The following PCDHGA9 variants were observed in gnomAD, a reference collection of about 807,000 sequenced individuals.
PCDHGA9 encodes protocadherin gamma-A9.
In PCDHGA9, 37 loss-of-function variants were observed where a neutral mutation model predicts 62.5. The ratio of observed to expected loss-of-function variants is 0.59; its 90% CI spans 0.46 to 0.78. PCDHGA9 has a LOEUF of 0.78. Among genes scored for constraint, PCDHGA9 ranks in the 30% least tolerant of loss-of-function variants. PCDHGA9 has a pLI of 0.00. For missense variants in PCDHGA9, 1,138 were observed against 1,166.2 expected, an observed-to-expected ratio of 0.98 and a Z score of 0.35; for synonymous variants, 459 against 484.6, an observed-to-expected ratio of 0.95 and a Z score of 0.69.
At chr5:141,419,049 C>T in intron 1 of PCDHGA9, 6 of 1,613,954 alleles carry the variant, frequency 3.7e-6, no homozygotes, top group Non-Finnish European at 5.1e-6. Flanking sequence ...ATTCATTCTT[C>T]TTCTAATAAT....
intron 1 of PCDHGA9, among the ~76,000 whole-genome samples, chr5:141,434,049 A>G (rs868088310): frequency 2.0e-5 from 3 of 152,116 alleles, no homozygotes; most frequent in Non-Finnish European, 2.9e-5. Flanking sequence ...ATTTTATTCA[A>G]TGGCCTGTAA....
chr5:141,446,558 T>G (rs1413501675), intron 1 of PCDHGA9, among the ~76,000 whole-genome samples: 3 of 151,788 alleles, frequency 2.0e-5, no homozygotes, highest in Non-Finnish European at 1.5e-5. Flanking sequence ...CTCACTGCAA[T>G]CTCTGCCTCC....
At chr5:141,424,901 C>G (rs2096846997) in intron 1 of PCDHGA9, among the ~76,000 whole-genome samples, 1 of 152,134 alleles carries the variant, frequency 6.6e-6, no homozygotes, top group African/African-American at 2.4e-5. Context: ...TTTTTGATCA[C>G]AGGAATCATT....
intron 1 of PCDHGA9, among the ~76,000 whole-genome samples, chr5:141,456,859 A>C (rs2098893194): frequency 6.6e-6 from 1 of 152,152 alleles, no homozygotes; most frequent in Admixed American, 6.6e-5. Context: ...GCTAATTGGG[A>C]GGCTGAGGCA....
rs118080774 is a variant in PCDHGA9, at chr5:141,422,026, G to A, written c.2424+16650G>A. On this transcript the variant is annotated intron_variant, in intron 1 of 3. Coordinates refer to ENST00000573521, the MANE Select transcript of PCDHGA9 (RefSeq NM_018921.3). ...CGGAACTCGGGTGCTGATGGTTAAT[G>A]CAACGGATCCAGACGAGGGAATCAA... 69 of 1,611,394 alleles carry A rather than the reference G, an allele frequency of 4.3e-5. No individual in the cohort carries two copies. The East Asian group carries it at 1.4e-3, about 32-fold the overall frequency.
intron 1 of PCDHGA9, chr5:141,409,205 A>C (rs766592481): frequency 1.2e-6 from 2 of 1,614,068 alleles, no homozygotes; most frequent in Non-Finnish European, 1.7e-6. Flanking sequence ...TAAAGTAATC[A>C]TAGAAATCCT....
At chr5:141,510,818 A>C in intron 3 of PCDHGA9, 129 bp from the exon 4 acceptor site, 1 of 1,551,540 alleles carries the variant, frequency 6.4e-7, no homozygotes, top group Non-Finnish European at 8.7e-7. Context: ...TGACCCCTAT[A>C]TTCCCAGTGC....
intron 1 of PCDHGA9, chr5:141,418,984 C>T: frequency 6.2e-7 from 1 of 1,613,930 alleles, no homozygotes; most frequent in African/African-American, 1.3e-5. Flanking sequence ...GGGACCAAGA[C>T]TCAGGGGAAA....
At position 141,491,796 on chromosome 5, in the gene PCDHGA9, C is replaced by T. The variant is rs1487915203; in HGVS notation, c.2425-3011C>T. The stretch of plus-strand genomic sequence containing the variant: ...GATTGAACTTGCATCCACTCCTCTC[C>T]GGCCGGCTTGGTCGCTGGCTGCGCT... On this transcript the variant is annotated intron_variant, in intron 1 of 3. Transcript: ENST00000573521. The surrounding 1 kb of genome is among the most constrained non-coding windows in gnomAD (Gnocchi z 6.9). 6.6e-7 allele frequency: 1 copy of T among 1,509,866 alleles called. No homozygotes were observed. The highest frequency in any genetic ancestry group is 2.4e-5 in the Admixed American group (1 of 42,218). The allele number at this position is 1,509,866 out of a possible 1,614,324, so 93.5% of individuals were successfully genotyped here. A position where few individuals can be genotyped will look rare whatever the true frequency, so the allele number is the denominator to read the frequency against.
At chr5:141,433,487 C>T (rs1052153936) in intron 1 of PCDHGA9, among the ~76,000 whole-genome samples, 3 of 152,094 alleles carry the variant, frequency 2.0e-5, no homozygotes, top group African/African-American at 7.2e-5. Context: ...TCCTGCTTCT[C>T]CCTCCCAAAC....
intron 1 of PCDHGA9, among the ~76,000 whole-genome samples, chr5:141,446,764 G>A (rs2098514605): frequency 6.6e-6 from 1 of 152,214 alleles, no homozygotes; most frequent in Non-Finnish European, 1.5e-5. Context: ...ACCGCGCCCA[G>A]CCGGTTACCA....
intron 1 of PCDHGA9, chr5:141,413,290 A>T: frequency 6.2e-7 from 1 of 1,613,924 alleles, no homozygotes; most frequent in Non-Finnish European, 8.5e-7. Context: ...CTCCTACTCA[A>T]TTCCTGAGGA....
At chr5:141,408,955 T>G in intron 1 of PCDHGA9, 1 of 1,613,616 alleles carries the variant, frequency 6.2e-7, no homozygotes, top group South Asian at 1.1e-5. Flanking sequence ...GAATTAGTCT[T>G]AGTGAAAATC....
intron 1 of PCDHGA9, chr5:141,408,762 A>G (rs369793035): frequency 1.9e-5 from 30 of 1,610,942 alleles, no homozygotes; most frequent in Non-Finnish European, 2.3e-5. Flanking sequence ...GTTAATTCCG[A>G]TGGTGGCAAA....
rs2099385215 is a variant in PCDHGA9 at position 141,476,099 on chromosome 5, G to A, written c.2425-18708G>A. On this transcript the variant is annotated intron_variant, in intron 1 of 3. Coordinates refer to ENST00000573521, the MANE Select transcript of PCDHGA9 (RefSeq NM_018921.3). This position sits in a 1 kb window ranked among gnomAD's most constrained non-coding sequence, Gnocchi z 7.6. ...GGGACGATCTGGACCCCGCTGAGAGGAACTGCTTTTGAGTGAGATGGTCCC... is the reference window on the plus strand; with the variant it reads ...GGGACGATCTGGACCCCGCTGAGAGAAACTGCTTTTGAGTGAGATGGTCCC... 1 of 1,574,916 alleles carries A rather than the reference G, an allele frequency of 6.3e-7. No individual in the cohort carries two copies.
chr5:141,420,769 C>T (rs2096524721), intron 1 of PCDHGA9, among the ~76,000 whole-genome samples: 1 of 152,212 alleles, frequency 6.6e-6, no homozygotes, highest in Admixed American at 6.5e-5. Flanking sequence ...AAGTTTTCAG[C>T]TCCAGTAATA....
intron 1 of PCDHGA9, chr5:141,417,931 G>T (rs551432799): frequency 6.8e-6 from 11 of 1,611,382 alleles, no homozygotes; most frequent in Middle Eastern, 1.6e-4. Flanking sequence ...TGCTGCCTTT[G>T]TTCTACCCCA....
intron 2 of PCDHGA9, among the ~76,000 whole-genome samples, chr5:141,501,876 C>T (rs1463329895): frequency 6.6e-6 from 1 of 152,118 alleles, no homozygotes; most frequent in East Asian, 1.9e-4. Context: ...CGCCTCCTTA[C>T]ACTCCTGATC....
chr5:141,408,958 T>A, intron 1 of PCDHGA9: 8 of 1,613,670 alleles, frequency 5.0e-6, no homozygotes, highest in Non-Finnish European at 6.8e-6. Flanking sequence ...TTAGTCTTAG[T>A]GAAAATCTGC....
Sources: allele counts gnomAD v4.1 joint callset (sites outside exome capture counted in the v4.1 genomes callset), GRCh38; gene constraint gnomAD v4.1.1; non-coding constraint Gnocchi (gnomAD v3.1); transcripts MANE v1.5; gene names NCBI Gene and HGNC (gene_info 2026-07-23, HGNC 2026-07-21).